Variants in GLYR1 observed in about 807,000 individuals in gnomAD.
GLYR1 encodes glyoxylate reductase 1 homolog, also known as cytokine-like nuclear factor N-PAC.
A neutral mutation model predicts 72.7 loss-of-function variants in GLYR1; 21 were observed. The ratio of observed to expected loss-of-function variants is 0.29; its 90% confidence interval spans 0.20 to 0.42. The LOEUF (loss-of-function observed/expected upper bound fraction) is 0.42, where lower values mean the gene tolerates loss of function less well. GLYR1 is among the 10% of genes least tolerant of loss of function. The pLI, the probability that GLYR1 is intolerant of heterozygous loss-of-function variation, is 1.00. For synonymous variants in GLYR1, 392 were observed against 270.2 expected (o/e 1.45, Z -4.42); for missense variants, 594 against 712.1 (o/e 0.83, Z 1.89).
Position 4,817,580 on chromosome 16 carries a change from C to A in GLYR1, c.906+18G>T. Reference sequence around the variant, plus strand: ...CCAGACTCCACCGATCCAACAGGCACCACCCCTGAATGCTTACTTTCTCTG... The same window carrying A: ...CCAGACTCCACCGATCCAACAGGCAACACCCCTGAATGCTTACTTTCTCTG... On this transcript the variant is annotated intron_variant, in intron 10 of 15. Transcript: ENST00000321919. The A allele has an allele frequency of 6.6e-7, 1 of 1,512,146 alleles. No individual in the cohort carries two copies. The highest frequency in any genetic ancestry group is 9.2e-7 in the Non-Finnish European group (1 of 1,086,924). The allele number at this position is 1,512,146 out of a possible 1,614,324, so 93.7% of individuals were successfully genotyped here.
intron 9 of GLYR1, among the ~76,000 whole-genome samples, chr16:4,819,992 G>C (rs2083909558): frequency 6.6e-6 from 1 of 152,108 alleles, no homozygotes; most frequent in Non-Finnish European, 1.5e-5. Context: ...CAGTAGACCT[G>C]GGATAAAGCT....
intron 12 of GLYR1, among the ~76,000 whole-genome samples, chr16:4,812,940 G>A (rs1346068271): frequency 1.3e-5 from 2 of 150,762 alleles, no homozygotes; most frequent in African/African-American, 4.9e-5. Context: ...GGGACTACAG[G>A]CAACCGCCAC....
At chr16:4,843,738 AT>A in intron 3 of GLYR1, 4 of 897,576 alleles carry the variant, frequency 4.5e-6, no homozygotes, top group South Asian at 3.3e-5. Context: ...AGCCACAGAC[AT>A]TTTTTTCAAA....
At chr16:4,837,618 A>C (rs1313414764) in intron 3 of GLYR1, among the ~76,000 whole-genome samples, 1 of 152,006 alleles carries the variant, frequency 6.6e-6, no homozygotes, top group Non-Finnish European at 1.5e-5. Flanking sequence ...GGAGGGAGAC[A>C]GACAGAGAAA....
chr16:4,835,536 A>G (rs763114320), intron 3 of GLYR1, among the ~76,000 whole-genome samples: 8 of 152,224 alleles, frequency 5.3e-5, no homozygotes, highest in Non-Finnish European at 1.2e-4. Flanking sequence ...AAACAGCCAT[A>G]AAAAACCAGC....
chr16:4,821,225 G>A (rs1357642076), intron 9 of GLYR1, 155 bp downstream of exon 9: 1 of 734,914 alleles, frequency 1.4e-6, no homozygotes, highest in African/African-American at 1.8e-5. Flanking sequence ...TTTGACTCCT[G>A]TCTTTATCGA....
chr16:4,835,109 G>A (rs772102405), intron 3 of GLYR1, among the ~76,000 whole-genome samples: 5 of 151,956 alleles, frequency 3.3e-5, no homozygotes, highest in African/African-American at 4.8e-5. Context: ...CCCAATATAG[G>A]ACCAAAAAGG....
In GLYR1 at chr16:4,813,599, T is replaced by C. The variant is rs2083450220; in HGVS notation, c.1119+138A>G. Reference sequence around the variant, plus strand: ...TTTGAAGGTGGAGCACGGGATAGGCTAGTCCCAAGGCTACTCGCCTCTCCT... The same window carrying C: ...TTTGAAGGTGGAGCACGGGATAGGCCAGTCCCAAGGCTACTCGCCTCTCCT... On this transcript the variant is annotated intron_variant, in intron 12 of 15. Coordinates refer to ENST00000321919, the MANE Select transcript of GLYR1 (RefSeq NM_032569.4). The C allele has an allele frequency of 4.1e-6, 3 of 731,114 alleles. No individual in the cohort carries two copies. In the African/African-American group the frequency reaches 5.2e-5, roughly 13 times the overall value. The allele number at this position is 731,114 out of a possible 1,614,324, so 45.3% of individuals were successfully genotyped here.
chr16:4,817,885 T>G, intron 9 of GLYR1, 188 bp from the exon 10 acceptor site: 1 of 584,276 alleles, frequency 1.7e-6, no homozygotes, highest in Non-Finnish European at 3.1e-6. Context: ...TCTTATGCCA[T>G]GGTCTAAAGC....
intron 14 of GLYR1, 57 bp downstream of exon 14, chr16:4,811,566 T>C (rs2083324069): frequency 6.3e-7 from 1 of 1,595,228 alleles, no homozygotes; most frequent in South Asian, 1.1e-5. Context: ...ATCCCTGACC[T>C]AGTACCCTGC....
intron 12 of GLYR1, among the ~76,000 whole-genome samples, chr16:4,812,935 T>C (rs2083409498): frequency 6.6e-6 from 1 of 150,538 alleles, no homozygotes; most frequent in Non-Finnish European, 1.5e-5. Flanking sequence ...TAGCTGGGAC[T>C]ACAGGCAACC....
At chr16:4,841,457 C>CAAAAAAAAAAAA (rs1160441336) in intron 3 of GLYR1, among the ~76,000 whole-genome samples, 9 of 31,948 alleles carry the variant, frequency 2.8e-4, no homozygotes, top group Non-Finnish European at 2.3e-4. Flanking sequence ...CTTGTCTCTA[C>CAAAAAAAAAAAA]AAAAAAAAAA....
chr16:4,817,763 G>A (rs564890143), intron 9 of GLYR1, 66 bp from the exon 10 acceptor site: 231 of 977,088 alleles, frequency 2.4e-4, no homozygotes, highest in Non-Finnish European at 3.5e-4. Context: ...ATGATTCCAT[G>A]CAGCACAAGG....
chr16:4,817,905 A>ATG, intron 9 of GLYR1: 1 of 537,826 alleles, frequency 1.9e-6, no homozygotes. Flanking sequence ...CTGTCCCAGG[A>ATG]TGTAAACAGG....
intron 4 of GLYR1, 194 bp from the exon 5 acceptor site, chr16:4,832,415 T>A: frequency 1.5e-6 from 1 of 663,058 alleles, no homozygotes; most frequent in Non-Finnish European, 2.5e-6. Flanking sequence ...AAAGTCACTT[T>A]CCCTATGTCC....
At chr16:4,829,846 T>C (rs1250818975) in intron 5 of GLYR1, among the ~76,000 whole-genome samples, 2 of 152,154 alleles carry the variant, frequency 1.3e-5, no homozygotes, top group African/African-American at 2.4e-5. Flanking sequence ...GTAATTTTTG[T>C]ATTTTTAGTA....
At chr16:4,812,791 G>A (rs1392458421) in intron 12 of GLYR1, among the ~76,000 whole-genome samples, 7 of 148,452 alleles carry the variant, frequency 4.7e-5, no homozygotes, top group East Asian at 2.1e-4. Context: ...ACGCCTGGCC[G>A]GAATTTTTTT....
At chr16:4,809,534 C>T (rs896505412) in intron 15 of GLYR1, among the ~76,000 whole-genome samples, 1 of 150,354 alleles carries the variant, frequency 6.7e-6, no homozygotes. Context: ...ATGGAGTGAA[C>T]CCGGGAGACG....
chr16:4,806,161 G>A (rs2082954053), intron 15 of GLYR1, among the ~76,000 whole-genome samples: 2 of 152,150 alleles, frequency 1.3e-5, no homozygotes, highest in Admixed American at 1.3e-4. Context: ...ACCTGAGGAG[G>A]AGCTATGTCA....
Sources: gnomAD v4.1 joint callset for allele counts (sites outside exome capture counted in the v4.1 genomes callset) on GRCh38, gnomAD v4.1.1 for gene constraint, MANE v1.5 for transcripts, NCBI Gene and HGNC (gene_info 2026-07-23, HGNC 2026-07-21) for gene names.